INSL6: variants seen among roughly 807,000 people sequenced by gnomAD.
The protein encoded by INSL6 is insulin-like peptide INSL6.
In INSL6, 16 loss-of-function variants were observed where a neutral mutation model predicts 9.4. That is an observed-to-expected ratio of 1.70 (90% confidence interval 1.15 to 2.59). The LOEUF is 2.59. INSL6 is among the 30% of genes most tolerant of loss of function. The pLI, the probability that INSL6 is intolerant of heterozygous loss-of-function variation, is 0.00. For missense variants in INSL6, 391 were observed against 257.3 expected, an observed-to-expected ratio of 1.52 and a Z score of -3.56; for synonymous variants, 154 against 96.9, an observed-to-expected ratio of 1.59 and a Z score of -3.46.
chr9:5,162,520 T>C (rs1824948114), downstream of INSL6, among the ~76,000 whole-genome samples: 1 of 152,206 alleles, frequency 6.6e-6, no homozygotes, highest in Non-Finnish European at 1.5e-5. Context: ...CCTATACCCT[T>C]TTAAACTGGA....
At chr9:5,081,768 G>T in the INSL6 span, 3 of 1,602,520 alleles carry the variant, frequency 1.9e-6, no homozygotes, top group Non-Finnish European at 2.6e-6. Context: ...CAAATATGAG[G>T]ATAGGTGCCC....
intron 2 of INSL6, among the ~76,000 whole-genome samples, chr9:5,156,407 T>C (rs1564045211): frequency 1.3e-5 from 2 of 152,324 alleles, no homozygotes; most frequent in Admixed American, 1.3e-4. Context: ...TCTATGGCTA[T>C]TGATGCAAAA....
intron 1 of INSL6, among the ~76,000 whole-genome samples, chr9:5,166,614 C>T (rs757294220): frequency 1.3e-5 from 2 of 152,066 alleles, no homozygotes; most frequent in African/African-American, 2.4e-5. Flanking sequence ...AACTGGTACA[C>T]AATGACACAG....
chr9:5,135,193 T>TA (rs1395641846), intron 2 of INSL6, among the ~76,000 whole-genome samples: 1 of 152,108 alleles, frequency 6.6e-6, no homozygotes, highest in African/African-American at 2.4e-5. Context: ...AACAAGTTCT[T>TA]AGAGACGTAC....
intron 1 of INSL6, among the ~76,000 whole-genome samples, chr9:5,177,148 A>C (rs1825327314): frequency 6.6e-6 from 1 of 152,176 alleles, no homozygotes; most frequent in Non-Finnish European, 1.5e-5. Flanking sequence ...GAGGAATAAA[A>C]GAGTGAATTC....
the INSL6 span, among the ~76,000 whole-genome samples, chr9:5,047,802 T>C: frequency 1.3e-5 from 2 of 152,142 alleles, no homozygotes; most frequent in Non-Finnish European, 2.9e-5. Flanking sequence ...GGTCTCGCTC[T>C]ATTGTCCAGG....
chr9:5,059,063 T>A, the INSL6 span, among the ~76,000 whole-genome samples: 1 of 152,226 alleles, frequency 6.6e-6, no homozygotes, highest in African/African-American at 2.4e-5. Flanking sequence ...CCTATTTTTC[T>A]TTTTACTTTG....
chr9:5,116,863 A>G, the INSL6 span, among the ~76,000 whole-genome samples: 1 of 152,364 alleles, frequency 6.6e-6, no homozygotes, highest in African/African-American at 2.4e-5. Flanking sequence ...ACTTTCAATA[A>G]TTAAGTGCAA....
chr9:5,072,021 A>G, the INSL6 span, among the ~76,000 whole-genome samples: 2 of 152,168 alleles, frequency 1.3e-5, no homozygotes, highest in Admixed American at 6.5e-5. Flanking sequence ...GAAAATAGTT[A>G]TTATTCTCAT....
the INSL6 span, among the ~76,000 whole-genome samples, chr9:5,055,469 C>A: frequency 6.6e-6 from 1 of 151,828 alleles, no homozygotes; most frequent in Non-Finnish European, 1.5e-5. Context: ...TCATTTAATG[C>A]CCTCATTTTT....
chr9:5,042,617 C>T, the INSL6 span, among the ~76,000 whole-genome samples: 1 of 121,930 alleles, frequency 8.2e-6, no homozygotes, highest in Non-Finnish European at 1.7e-5. Flanking sequence ...CCAGCTGCCC[C>T]CGTTAGCGTC....
At chr9:5,174,077 T>A (rs1466103832) in intron 1 of INSL6, among the ~76,000 whole-genome samples, 2 of 152,220 alleles carry the variant, frequency 1.3e-5, no homozygotes, top group Non-Finnish European at 2.9e-5. Context: ...ACATCTCTCC[T>A]CTTGCCTACC....
At chr9:5,166,545 T>C (rs1298262624) in intron 1 of INSL6, among the ~76,000 whole-genome samples, 1 of 152,114 alleles carries the variant, frequency 6.6e-6, no homozygotes. Flanking sequence ...TTATGAATGC[T>C]TACACATTTA....
the INSL6 span, among the ~76,000 whole-genome samples, chr9:5,002,935 G>A: frequency 6.6e-6 from 1 of 151,978 alleles, no homozygotes; most frequent in East Asian, 1.9e-4. Context: ...AGAAGTTAAG[G>A]TTATTTTTTG....
the INSL6 span, among the ~76,000 whole-genome samples, chr9:5,047,019 C>T: frequency 1.3e-5 from 2 of 152,044 alleles, no homozygotes; most frequent in Non-Finnish European, 2.9e-5. Context: ...TCAATTTTAT[C>T]CTTCTAGGAA....
At chr9:5,087,705 A>T in the INSL6 span, among the ~76,000 whole-genome samples, 2 of 152,216 alleles carry the variant, frequency 1.3e-5, no homozygotes, top group Non-Finnish European at 2.9e-5. Flanking sequence ...CCCACTGCTT[A>T]TTGGAACATC....
the INSL6 span, among the ~76,000 whole-genome samples, chr9:5,103,722 A>T: frequency 3.9e-5 from 6 of 152,232 alleles, no homozygotes; most frequent in Non-Finnish European, 8.8e-5. Flanking sequence ...ACTGGCTCTC[A>T]GAGCACAGTG....
In INSL6 at chr9:5,185,485, C is replaced by T. The variant is rs866666085; in HGVS notation, c.118G>A (p.Glu40Lys). 3.1e-6 allele frequency: 5 copies of T among 1,614,088 alleles called. No individual in the cohort carries two copies. Among genetic ancestry groups the T allele is most frequent in the Non-Finnish European group, 4.2e-6 (5 of 1,180,042 alleles). Reference protein sequence around the residue: ...RKLCGRYLVKEIEKLCGHANW... With the variant: ...RKLCGRYLVKKIEKLCGHANW... ...GCATGGCCGCAGAGTTTTTCTATTT[C>T]TTTCACCAAGTACCTGCCGCACAGC... is the stretch of plus-strand genomic sequence containing the variant. Residue 40 changes from glutamate to lysine, a missense_variant, in exon 1 of 2, where the codon GAA (glutamate) becomes AAA (lysine). By Grantham distance (56) the Glu-to-Lys change is moderately conservative. Coordinates refer to ENST00000381641, the MANE Select transcript of INSL6 (RefSeq NM_007179.3).
the INSL6 span, among the ~76,000 whole-genome samples, chr9:5,088,771 G>A: frequency 6.6e-6 from 1 of 152,124 alleles, no homozygotes; most frequent in African/African-American, 2.4e-5. Flanking sequence ...TCCTCACATG[G>A]GAGAGAGAGA....
Sources: gnomAD v4.1 joint callset for allele counts (sites outside exome capture counted in the v4.1 genomes callset) on GRCh38, gnomAD v4.1.1 for gene constraint, MANE v1.5 for transcripts, NCBI Gene and HGNC (gene_info 2026-07-23, HGNC 2026-07-21) for gene names.